Variants in ANKRD12 observed in about 807,000 individuals in gnomAD.
The protein encoded by ANKRD12 is ankyrin repeat domain 12.
A neutral mutation model predicts 183.4 loss-of-function variants in ANKRD12; 85 were observed. That is an observed-to-expected ratio of 0.46 (90% CI 0.39 to 0.56). The LOEUF (loss-of-function observed/expected upper bound fraction) is 0.56. Ranked by LOEUF, ANKRD12 falls within the 20% of genes least tolerant of loss-of-function variation. The probability of loss-of-function intolerance (pLI) is 0.00; values close to 1 mark genes in which losing one functional copy is unlikely to be tolerated. For synonymous variants in ANKRD12, 914 were observed against 800.2 expected, an observed-to-expected ratio of 1.14 and a Z score of -2.40; for missense variants, 2,405 against 2,357.1, an observed-to-expected ratio of 1.02 and a Z score of -0.42.
chr18:9,192,102 G>A (rs2034491678), intron 2 of ANKRD12, among the ~76,000 whole-genome samples: 1 of 152,170 alleles, frequency 6.6e-6, no homozygotes, highest in Non-Finnish European at 1.5e-5. Context: ...GGAACTGTGA[G>A]TAACAATCTT....
chr18:9,192,899 G>T (rs1335702149), intron 2 of ANKRD12, among the ~76,000 whole-genome samples: 1 of 151,638 alleles, frequency 6.6e-6, no homozygotes, highest in Non-Finnish European at 1.5e-5. Context: ...GCCCAGGATG[G>T]TTTCAAACTC....
chr18:9,196,456 A>G (rs1040489236), intron 3 of ANKRD12, among the ~76,000 whole-genome samples: 4 of 152,236 alleles, frequency 2.6e-5, no homozygotes, highest in Non-Finnish European at 4.4e-5. Flanking sequence ...TGCATGAAAT[A>G]TTAATAATGA....
intron 1 of ANKRD12, among the ~76,000 whole-genome samples, chr18:9,144,279 A>G (rs1479691698): frequency 1.3e-5 from 2 of 151,840 alleles, no homozygotes; most frequent in Non-Finnish European, 2.9e-5. Context: ...TAATTCTCCA[A>G]CCTCCTTTTG....
At chr18:9,246,317 G>T (rs993236847) in intron 8 of ANKRD12, among the ~76,000 whole-genome samples, 2 of 152,050 alleles carry the variant, frequency 1.3e-5, no homozygotes, top group African/African-American at 4.8e-5. Flanking sequence ...TGTCAATTAT[G>T]ACTAGTACTT....
At chr18:9,188,941 A>T (rs1361346766) in intron 2 of ANKRD12, among the ~76,000 whole-genome samples, 1 of 152,216 alleles carries the variant, frequency 6.6e-6, no homozygotes, top group Admixed American at 6.5e-5. Context: ...GTCTCTAAGT[A>T]TTCAAGTGAA....
intron 12 of ANKRD12, among the ~76,000 whole-genome samples, chr18:9,280,178 G>GA (rs1325788648): frequency 6.6e-6 from 1 of 152,186 alleles, no homozygotes; most frequent in Non-Finnish European, 1.5e-5. Context: ...GTTTGGGGAT[G>GA]AAACTTTCAC....
At chr18:9,244,409 T>C (rs2037836107) in intron 8 of ANKRD12, among the ~76,000 whole-genome samples, 1 of 152,134 alleles carries the variant, frequency 6.6e-6, no homozygotes, top group African/African-American at 2.4e-5. Flanking sequence ...GGTCTTGAAC[T>C]GATGGGCTCA....
chr18:9,210,787 G>A (rs2035760547), intron 5 of ANKRD12, among the ~76,000 whole-genome samples: 1 of 147,052 alleles, frequency 6.8e-6, no homozygotes, highest in Non-Finnish European at 1.5e-5. Flanking sequence ...GGAAAGGATG[G>A]TATTGCCTTA....
chr18:9,259,068 A>G (rs2038808288), intron 9 of ANKRD12, 137 bp downstream of exon 9: 1 of 1,044,172 alleles, frequency 9.6e-7, no homozygotes. Flanking sequence ...CGAGATATAA[A>G]GCTAGTAACG....
chr18:9,276,954 A>G (rs369947496), intron 11 of ANKRD12, among the ~76,000 whole-genome samples: 11 of 152,334 alleles, frequency 7.2e-5, no homozygotes, highest in African/African-American at 2.2e-4. Context: ...CCATGTTCTT[A>G]TAGGCTGGAC....
chr18:9,207,505 A>C (rs1012079806), intron 4 of ANKRD12, among the ~76,000 whole-genome samples: 2 of 152,112 alleles, frequency 1.3e-5, no homozygotes, highest in Non-Finnish European at 2.9e-5. Context: ...TAAGTGGCAC[A>C]CTGGAAGAAT....
rs749035085 is a variant in ANKRD12, at chr18:9,255,062, T to C, written c.1795T>C (p.Ser599Pro). 2 of 1,585,278 alleles carry C rather than the reference T, an allele frequency of 1.3e-6. No homozygotes were observed. The highest frequency in any genetic ancestry group is 1.9e-5 in the Admixed American group (1 of 52,574). Reference sequence around the variant, plus strand: ...CTTGCCAGAAAGTTCAAGTGTAAAATCTTGTAAGCATAAGGAAAAAAGCAA... The same window carrying C: ...CTTGCCAGAAAGTTCAAGTGTAAAACCTTGTAAGCATAAGGAAAAAAGCAA... ...EFLPESSSVK[S>P]CKHKEKSKHQ... Residue 599 changes from serine (S) to proline (P), a missense_variant, in exon 9 of 13, where the codon TCT (serine) becomes CCT (proline). Transcript: ENST00000262126.
chr18:9,280,186 C>CA (rs1197507820), intron 12 of ANKRD12, among the ~76,000 whole-genome samples: 1 of 152,168 alleles, frequency 6.6e-6, no homozygotes, highest in Non-Finnish European at 1.5e-5. Context: ...ATGAAACTTT[C>CA]ACCTCAGATC....
chr18:9,190,315 T>C (rs930572275), intron 2 of ANKRD12, among the ~76,000 whole-genome samples: 7 of 152,188 alleles, frequency 4.6e-5, no homozygotes, highest in African/African-American at 1.4e-4. Context: ...AAACACTTGG[T>C]TTGAAGCTCC....
chr18:9,189,425 A>C (rs1350635764), intron 2 of ANKRD12, among the ~76,000 whole-genome samples: 1 of 152,248 alleles, frequency 6.6e-6, no homozygotes, highest in African/African-American at 2.4e-5. Context: ...TCTAGCTATG[A>C]TCTTTGATGA....
At chr18:9,175,879 C>G (rs755991503) in intron 1 of ANKRD12, among the ~76,000 whole-genome samples, 11 of 152,078 alleles carry the variant, frequency 7.2e-5, no homozygotes, top group Non-Finnish European at 1.3e-4. Context: ...ATTTTGTACT[C>G]TCTGCTAAGA....
intron 8 of ANKRD12, among the ~76,000 whole-genome samples, chr18:9,246,220 T>A (rs2037954860): frequency 6.6e-6 from 1 of 152,216 alleles, no homozygotes; most frequent in Non-Finnish European, 1.5e-5. Flanking sequence ...ACAAAGTTGA[T>A]ATTATTGTAT....
At chr18:9,193,426 A>T (rs1440411123) in intron 2 of ANKRD12, among the ~76,000 whole-genome samples, 1 of 152,090 alleles carries the variant, frequency 6.6e-6, no homozygotes, top group African/African-American at 2.4e-5. Flanking sequence ...GATTACAGGC[A>T]TGAGCCACCA....
chr18:9,285,808 C>A lies in ANKRD12; in HGVS notation c.*4682C>A, dbSNP rs1250493931. On this transcript the variant is annotated 3_prime_UTR_variant, in exon 13 of 13. Transcript: ENST00000262126. The stretch of plus-strand genomic sequence containing the variant: ...AGAGTCATACATACTTCCTTGTCTG[C>A]CTTGTTTCTCAACATGATGTTTTGA... 1 of 152,138 alleles carries A rather than the reference C, an allele frequency of 6.6e-6. No homozygotes were observed. The highest frequency in any genetic ancestry group is 2.4e-5 in the African/African-American group (1 of 41,444). 9.4% of individuals were successfully genotyped at this position (152,138 alleles called of 1,614,324 possible).
Sources: gnomAD v4.1 joint callset for allele counts (sites outside exome capture counted in the v4.1 genomes callset) on GRCh38, gnomAD v4.1.1 for gene constraint, MANE v1.5 for transcripts, NCBI Gene and HGNC (gene_info 2026-07-23, HGNC 2026-07-21) for gene names.